GIGYF2: variants seen among roughly 807,000 people sequenced by gnomAD.
The protein encoded by GIGYF2 is GRB10 interacting GYF protein 2, also known as GRB10-interacting GYF protein 2.
In GIGYF2, 25 loss-of-function variants were observed where a neutral mutation model predicts 208.1. The ratio of observed to expected loss-of-function variants is 0.12; its 90% CI spans 0.09 to 0.17. GIGYF2 has a LOEUF of 0.17. Among genes scored for constraint, GIGYF2 ranks in the 10% least tolerant of loss-of-function variants. GIGYF2 has a pLI of 1.00. For missense variants in GIGYF2, 1,302 were observed against 1,579.4 expected, an observed-to-expected ratio of 0.82 and a Z score of 2.98; for synonymous variants, 534 against 543.8, an observed-to-expected ratio of 0.98 and a Z score of 0.25.
chr2:232,741,510 T>G (rs908374607), intron 3 of GIGYF2, among the ~76,000 whole-genome samples: 6 of 151,344 alleles, frequency 4.0e-5, no homozygotes, highest in African/African-American at 1.5e-4. Flanking sequence ...TGGTGTGATC[T>G]CGGCTCACTG....
intron 16 of GIGYF2, chr2:232,810,483 G>A (rs1213637200): frequency 6.5e-6 from 1 of 153,128 alleles, no homozygotes; most frequent in Non-Finnish European, 1.5e-5. Flanking sequence ...TGATGGCAAA[G>A]TCAGTCAGGT....
chr2:232,860,079 C>A lies in GIGYF2; in HGVS notation c.*3219C>A, dbSNP rs904455470. 2.0e-5 allele frequency: 3 copies of A among 152,116 alleles called. No homozygotes were observed. The highest frequency in any genetic ancestry group is 7.2e-5 in the African/African-American group (3 of 41,408). The allele number at this position is 152,116 out of a possible 1,614,324, so 9.4% of individuals were successfully genotyped here. A position where few individuals can be genotyped will look rare whatever the true frequency, so the allele number is the denominator to read the frequency against. On this transcript the variant is annotated 3_prime_UTR_variant, in exon 29 of 29. Transcript: ENST00000373563. Reference sequence around the variant, plus strand: ...GCTTGTGGGGTGGGAGATATTATAGCCATTTTTGGGAAATATCTGCATAAA... The same window carrying A: ...GCTTGTGGGGTGGGAGATATTATAGACATTTTTGGGAAATATCTGCATAAA...
At chr2:232,788,703 A>G in intron 9 of GIGYF2, 1 of 324,734 alleles carries the variant, frequency 3.1e-6, no homozygotes, top group Non-Finnish European at 6.7e-6. Context: ...ATTTGGTTAT[A>G]TATTATCTTC....
At chr2:232,812,987 C>G (rs1019472898) in intron 18 of GIGYF2, among the ~76,000 whole-genome samples, 1 of 137,880 alleles carries the variant, frequency 7.3e-6, no homozygotes, top group African/African-American at 2.7e-5. Context: ...GGCAACAGAG[C>G]AAAACTCTAA....
intron 2 of GIGYF2, among the ~76,000 whole-genome samples, chr2:232,720,368 C>T (rs933855842): frequency 1.3e-5 from 2 of 152,050 alleles, no homozygotes; most frequent in Non-Finnish European, 2.9e-5. Flanking sequence ...GGTTTCAAGT[C>T]TTTGCTATTG....
chr2:232,785,802 A>C (rs1052180135), intron 8 of GIGYF2, among the ~76,000 whole-genome samples: 1 of 152,268 alleles, frequency 6.6e-6, no homozygotes, highest in Admixed American at 6.5e-5. Flanking sequence ...AAGATGGAAT[A>C]TAACAGAATG....
At chr2:232,718,750 G>T (rs779148491) in intron 2 of GIGYF2, among the ~76,000 whole-genome samples, 6 of 152,146 alleles carry the variant, frequency 3.9e-5, no homozygotes, top group Non-Finnish European at 8.8e-5. Context: ...TGGCTGCTGT[G>T]GTGGGGACAG....
intron 27 of GIGYF2, among the ~76,000 whole-genome samples, chr2:232,849,972 CTGTA>C (rs1690249169): frequency 6.6e-6 from 1 of 152,150 alleles, no homozygotes; most frequent in African/African-American, 2.4e-5. Context: ...GATACAGACT[CTGTA>C]TGTACCAGAG....
chr2:232,738,329 AT>A (rs1697829347), intron 3 of GIGYF2, among the ~76,000 whole-genome samples: 1 of 152,196 alleles, frequency 6.6e-6, no homozygotes, highest in South Asian at 2.1e-4. Flanking sequence ...GGTATGATAC[AT>A]TCAATGCCAA....
Position 232,857,793 on chromosome 2 carries a change from A to G in GIGYF2, c.*933A>G, listed in dbSNP as rs1318841381. On this transcript the variant is annotated 3_prime_UTR_variant, in exon 29 of 29. Transcript: ENST00000373563. ...AATTTGTATAATTTCATTTTTGGATAGGGATAAACTTTTGCTTCTGATAAA... is the reference window on the plus strand; with the variant it reads ...AATTTGTATAATTTCATTTTTGGATGGGGATAAACTTTTGCTTCTGATAAA... The G allele has an allele frequency of 1.3e-5, 2 of 152,634 alleles. No individual in the cohort carries two copies. Among genetic ancestry groups the G allele is most frequent in the Non-Finnish European group, 2.9e-5 (2 of 68,032 alleles). 9.5% of individuals were successfully genotyped at this position (152,634 alleles called of 1,614,324 possible). A position where few individuals can be genotyped will look rare whatever the true frequency, so the allele number is the denominator to read the frequency against.
intron 22 of GIGYF2, among the ~76,000 whole-genome samples, chr2:232,836,284 A>T (rs1187023446): frequency 1.5e-3 from 9 of 6,062 alleles, no homozygotes; most frequent in African/African-American, 4.7e-3. Context: ...ATATATATAT[A>T]TATATATATA....
intron 2 of GIGYF2, among the ~76,000 whole-genome samples, chr2:232,714,920 C>T (rs1007711386): frequency 6.6e-6 from 1 of 152,046 alleles, no homozygotes; most frequent in African/African-American, 2.4e-5. Flanking sequence ...CCGATCCTCT[C>T]CCTTCTCCCA....
intron 28 of GIGYF2, among the ~76,000 whole-genome samples, chr2:232,854,301 T>G (rs796298678): frequency 3.3e-5 from 5 of 152,304 alleles, no homozygotes; most frequent in African/African-American, 1.2e-4. Context: ...GGGACCAGCC[T>G]GGGCTACATG....
At chr2:232,716,374 G>GTTTTTTTT (rs397988241) in intron 2 of GIGYF2, among the ~76,000 whole-genome samples, 32 of 100,256 alleles carry the variant, frequency 3.2e-4, no homozygotes, top group Non-Finnish European at 5.5e-4. Flanking sequence ...GGTGTTATTT[G>GTTTTTTTT]TTTTTTTTTT....
intron 28 of GIGYF2, among the ~76,000 whole-genome samples, chr2:232,855,080 C>CTTTTTTTT (rs201395041): frequency 1.8e-4 from 20 of 109,188 alleles, no homozygotes; most frequent in African/African-American, 3.9e-4. Context: ...CTTTTTCTTT[C>CTTTTTTTT]TTTTTTTTTT....
intron 2 of GIGYF2, among the ~76,000 whole-genome samples, chr2:232,713,488 C>CT (rs1431343979): frequency 3.3e-5 from 5 of 152,214 alleles, no homozygotes. Context: ...TTATTAACAT[C>CT]TTACATTACT....
chr2:232,743,665 A>C (rs1250860370), intron 3 of GIGYF2, among the ~76,000 whole-genome samples: 1 of 152,150 alleles, frequency 6.6e-6, no homozygotes, highest in Non-Finnish European at 1.5e-5. Context: ...AATATGTTTT[A>C]GCTTTTCTAA....
intron 2 of GIGYF2, among the ~76,000 whole-genome samples, chr2:232,728,980 TTTTTC>T (rs1026707890): frequency 6.6e-5 from 10 of 151,454 alleles, no homozygotes; most frequent in African/African-American, 2.2e-4. Flanking sequence ...TTCCCTTCTC[TTTTTC>T]TTTTCATTTT....
chr2:232,763,985 C>T (rs1316650796), intron 8 of GIGYF2, among the ~76,000 whole-genome samples: 1 of 152,144 alleles, frequency 6.6e-6, no homozygotes, highest in Non-Finnish European at 1.5e-5. Flanking sequence ...CTCATTTATT[C>T]ATTCAACAAA....
Sources: gnomAD v4.1 joint callset for allele counts (sites outside exome capture counted in the v4.1 genomes callset) on GRCh38, gnomAD v4.1.1 for gene constraint, MANE v1.5 for transcripts, NCBI Gene and HGNC (gene_info 2026-07-23, HGNC 2026-07-21) for gene names.